Variants in BMPR1A observed in about 807,000 individuals in gnomAD.
BMPR1A encodes the protein bone morphogenetic protein receptor type 1A, also known as bone morphogenetic protein receptor type-1A.
A neutral mutation model predicts 66.0 loss-of-function variants in BMPR1A; 7 were observed. The ratio of observed to expected loss-of-function variants is 0.11; its 90% CI spans 0.06 to 0.20. The LOEUF is 0.20. BMPR1A is among the 10% of genes least tolerant of loss of function. The pLI, the probability that BMPR1A is intolerant of heterozygous loss-of-function variation, is 1.00. For missense variants in BMPR1A, 408 were observed against 669.1 expected (o/e 0.61, Z 4.31); for synonymous variants, 200 against 229.7 (o/e 0.87, Z 1.17).
In BMPR1A at chr10:86,857,771, G is replaced by A. The variant is rs1842661577; in HGVS notation, c.-152-18096G>A. 2.0e-5 allele frequency among the ~76,000 whole-genome samples: 3 copies of A among 149,804 alleles called. No homozygotes were observed. In the South Asian group the frequency reaches 6.3e-4, roughly 32 times the overall value. ...TGATCCAAAAAAAAAAAAAAAACAAGGAGAAAGCTGCAGTGCCTTTTAAGA... is the reference window on the plus strand; with the variant it reads ...TGATCCAAAAAAAAAAAAAAAACAAAGAGAAAGCTGCAGTGCCTTTTAAGA... On this transcript the variant is annotated intron_variant, in intron 2 of 12. Coordinates refer to ENST00000372037, the MANE Select transcript of BMPR1A (RefSeq NM_004329.3).
At position 86,908,287 on chromosome 10, in the gene BMPR1A, G is replaced by A. The variant is rs114396640; in HGVS notation, c.531-3953G>A. ...TACTCTGATTTGTTCATTTTACATC[G>A]TATACATGCATAAGATATCACATGT... On this transcript the variant is annotated intron_variant, in intron 7 of 12. Coordinates refer to ENST00000372037, the MANE Select transcript of BMPR1A (RefSeq NM_004329.3). Among the ~76,000 whole-genome samples the A allele has an allele frequency of 4.0e-3, 605 of 152,168 alleles. 5 individuals carry two copies. The highest frequency in any genetic ancestry group is 0.014 in the African/African-American group (561 of 41,502).
At chr10:86,929,055 T>C (rs1247516847), downstream of BMPR1A, 1 of 152,016 alleles carries the variant, frequency 6.6e-6, no homozygotes, top group Non-Finnish European at 1.5e-5. Flanking sequence ...AATATTTGAC[T>C]AAGAAGATGG....
chr10:86,826,569 A>G (rs1172275318), intron 1 of BMPR1A, among the ~76,000 whole-genome samples: 4 of 152,186 alleles, frequency 2.6e-5, no homozygotes, highest in Non-Finnish European at 5.9e-5. Context: ...TTATATAAGC[A>G]GTCCCACAAT....
intron 5 of BMPR1A, among the ~76,000 whole-genome samples, chr10:86,896,287 A>T (rs988337352): frequency 1.5e-5 from 2 of 134,350 alleles, no homozygotes; most frequent in African/African-American, 2.6e-5. Flanking sequence ...CTTCTATCAT[A>T]AAAAAAAAGA....
intron 10 of BMPR1A, among the ~76,000 whole-genome samples, chr10:86,920,730 A>G (rs1843649579): frequency 6.6e-6 from 1 of 152,094 alleles, no homozygotes; most frequent in African/African-American, 2.4e-5. Flanking sequence ...ATGTAATCCT[A>G]TGTCACAAAG....
rs577622666 is a variant in BMPR1A, at chr10:86,926,381, G to C, written c.*2662G>C. On this transcript the variant is annotated 3_prime_UTR_variant, in exon 13 of 13. Transcript: ENST00000372037. ...CTAAAAATAAAAAACTCAGCCAGGCGTGGTGGCGGGTGCCTGTAATCCCAG... is the reference window on the plus strand; with the variant it reads ...CTAAAAATAAAAAACTCAGCCAGGCCTGGTGGCGGGTGCCTGTAATCCCAG... 6.5e-6 allele frequency: 1 copy of C among 154,262 alleles called. No individual in the cohort carries two copies. Among genetic ancestry groups the C allele is most frequent in the Non-Finnish European group, 1.4e-5 (1 of 69,418 alleles). 9.6% of individuals were successfully genotyped at this position (154,262 alleles called of 1,614,324 possible).
At chr10:86,897,747 C>T (rs1055435799) in intron 5 of BMPR1A, among the ~76,000 whole-genome samples, 3 of 152,084 alleles carry the variant, frequency 2.0e-5, no homozygotes, top group Admixed American at 6.5e-5. Flanking sequence ...GCTGGGACCA[C>T]AGGCGTGTAC....
chr10:86,787,719 G>A (rs1177618103), intron 1 of BMPR1A, among the ~76,000 whole-genome samples: 4 of 152,156 alleles, frequency 2.6e-5, no homozygotes, highest in Non-Finnish European at 4.4e-5. Flanking sequence ...TATACAGGAG[G>A]CATGGCTGGA....
intron 1 of BMPR1A, among the ~76,000 whole-genome samples, chr10:86,816,389 T>C (rs1205886089): frequency 6.6e-6 from 1 of 152,196 alleles, no homozygotes; most frequent in East Asian, 1.9e-4. Flanking sequence ...CGTGGTCACA[T>C]TTGTGGCATT....
Position 86,803,556 on chromosome 10 carries a change from C to T in BMPR1A, c.-267-35309C>T, listed in dbSNP as rs185172909. ...AGTTTTGTTGCATAACGTAAGGATC[C>T]GACTTAATTTTTTCCCAAATCGTTG... On this transcript the variant is annotated intron_variant, in intron 1 of 12. Transcript: ENST00000372037. Among the ~76,000 whole-genome samples the T allele has an allele frequency of 7.9e-5, 12 of 152,112 alleles. No homozygotes were observed. The East Asian group carries it at 2.3e-3, about 29-fold the overall frequency.
chr10:86,778,932 T>C (rs903978251), intron 1 of BMPR1A, among the ~76,000 whole-genome samples: 5 of 150,388 alleles, frequency 3.3e-5, no homozygotes, highest in Non-Finnish European at 7.4e-5. Flanking sequence ...ATTTTCTTTT[T>C]TTTTTTTTTT....
chr10:86,770,654 G>A (rs908115367), intron 1 of BMPR1A, among the ~76,000 whole-genome samples: 3 of 152,174 alleles, frequency 2.0e-5, no homozygotes, highest in African/African-American at 7.2e-5. Context: ...CTCCAGGCTA[G>A]CTCTCTTGGA....
At chr10:86,796,105 T>C (rs1841706395) in intron 1 of BMPR1A, among the ~76,000 whole-genome samples, 1 of 152,196 alleles carries the variant, frequency 6.6e-6, no homozygotes, top group African/African-American at 2.4e-5. Flanking sequence ...AAAAACGTCA[T>C]AAAATCCCAG....
chr10:86,877,025 T>C (rs992511680), intron 3 of BMPR1A, among the ~76,000 whole-genome samples: 1 of 152,184 alleles, frequency 6.6e-6, no homozygotes, highest in African/African-American at 2.4e-5. Flanking sequence ...GGATAATATT[T>C]TAAGCTGAAA....
chr10:86,767,241 A>G (rs1419587958), intron 1 of BMPR1A, among the ~76,000 whole-genome samples: 2 of 151,992 alleles, frequency 1.3e-5, no homozygotes, highest in East Asian at 1.9e-4. Flanking sequence ...TTTGTCTTAT[A>G]CTCTCAACTT....
chr10:86,889,717 G>A (rs188519167), intron 3 of BMPR1A: 10 of 261,720 alleles, frequency 3.8e-5, no homozygotes, highest in Admixed American at 1.5e-4. Flanking sequence ...GGGGGACTGC[G>A]TTCATGCTTT....
At chr10:86,877,949 T>G (rs181233252) in intron 3 of BMPR1A, among the ~76,000 whole-genome samples, 186 of 152,338 alleles carry the variant, frequency 1.2e-3, no homozygotes, top group Admixed American at 2.8e-3. Flanking sequence ...AGTTACTACG[T>G]AAAAGCAAAA....
Position 86,762,959 on chromosome 10 carries a change from T to C in BMPR1A, c.-268+6040T>C, listed in dbSNP as rs11595515. Reference sequence around the variant, plus strand: ...TCGCCCAGGCTGGAGTGCAGTGGCGTGATCTTGGCTCACTGCAACCTCTAC... The same window carrying C: ...TCGCCCAGGCTGGAGTGCAGTGGCGCGATCTTGGCTCACTGCAACCTCTAC... On this transcript the variant is annotated intron_variant, in intron 1 of 12. Transcript: ENST00000372037. Among the ~76,000 whole-genome samples the C allele has an allele frequency of 0.27, 40,245 of 151,718 alleles. 6,689 individuals are homozygous for C. Among genetic ancestry groups the C allele is most frequent in the East Asian group, 0.69 (3,556 of 5,128 alleles).
chr10:86,781,907 G>A (rs934853984), intron 1 of BMPR1A, among the ~76,000 whole-genome samples: 3 of 121,942 alleles, frequency 2.5e-5, no homozygotes, highest in African/African-American at 3.2e-5. Flanking sequence ...CTGTCACCCA[G>A]GCAGGCTGGA....
Sources: gnomAD v4.1 joint callset for allele counts (sites outside exome capture counted in the v4.1 genomes callset) on GRCh38, gnomAD v4.1.1 for gene constraint, MANE v1.5 for transcripts, NCBI Gene and HGNC (gene_info 2026-07-23, HGNC 2026-07-21) for gene names.